The following CPNE8 variants were observed in gnomAD, a reference collection of about 807,000 sequenced individuals.
CPNE8 encodes the protein copine-8.
A neutral mutation model predicts 81.5 loss-of-function variants in CPNE8; 45 were observed. That is an observed-to-expected ratio of 0.55 (90% confidence interval 0.44 to 0.71). CPNE8 has a LOEUF of 0.71. Among genes scored for constraint, CPNE8 ranks in the 30% least tolerant of loss-of-function variants. The pLI is 0.00. For missense variants in CPNE8, 594 were observed against 672.1 expected (o/e 0.88, Z 1.28); for synonymous variants, 252 against 226.3 (o/e 1.11, Z -1.02).
intron 16 of CPNE8, among the ~76,000 whole-genome samples, chr12:38,682,340 C>T (rs1489655467): frequency 6.6e-6 from 1 of 152,116 alleles, no homozygotes; most frequent in African/African-American, 2.4e-5. Context: ...GGCGGATCGC[C>T]TGAGGTCAAG....
chr12:38,664,504 T>A (rs1297838852), intron 19 of CPNE8, among the ~76,000 whole-genome samples: 1 of 152,098 alleles, frequency 6.6e-6, no homozygotes. Flanking sequence ...TATTATTAAT[T>A]TTATCTCTTT....
chr12:38,813,254 C>T (rs1942967475), intron 6 of CPNE8, among the ~76,000 whole-genome samples: 1 of 152,124 alleles, frequency 6.6e-6, no homozygotes, highest in Non-Finnish European at 1.5e-5. Flanking sequence ...AGACCATACA[C>T]ATCAAAGGCC....
At chr12:38,886,958 A>G (rs1944246019) in intron 1 of CPNE8, among the ~76,000 whole-genome samples, 1 of 152,128 alleles carries the variant, frequency 6.6e-6, no homozygotes, top group Non-Finnish European at 1.5e-5. Context: ...TAAAGAAATG[A>G]CGACACCCAG....
chr12:38,864,273 G>C (rs901361888), intron 3 of CPNE8, among the ~76,000 whole-genome samples: 6 of 152,058 alleles, frequency 3.9e-5, no homozygotes, highest in Non-Finnish European at 8.8e-5. Flanking sequence ...GCTGGTTTTT[G>C]TAAGTTAAGT....
At chr12:38,816,088 G>A (rs553787558) in intron 6 of CPNE8, among the ~76,000 whole-genome samples, 2 of 152,102 alleles carry the variant, frequency 1.3e-5, no homozygotes, top group South Asian at 4.2e-4. Flanking sequence ...TTTATAATGT[G>A]GTAAGGTACA....
chr12:38,900,040 AT>A, intron 1 of CPNE8, among the ~76,000 whole-genome samples: 1 of 152,188 alleles, frequency 6.6e-6, no homozygotes, highest in African/African-American at 2.4e-5. Context: ...TCTTAAATTT[AT>A]TTTTAATATA....
intron 13 of CPNE8, among the ~76,000 whole-genome samples, chr12:38,723,098 G>A (rs1940606550): frequency 6.6e-6 from 1 of 152,132 alleles, no homozygotes; most frequent in South Asian, 2.1e-4. Context: ...CCAGTTCGGG[G>A]TAGTTTCTTT....
At chr12:38,698,709 A>G (rs1465994556) in intron 14 of CPNE8, among the ~76,000 whole-genome samples, 1 of 152,186 alleles carries the variant, frequency 6.6e-6, no homozygotes, top group African/African-American at 2.4e-5. Flanking sequence ...GACCTTAGAC[A>G]TCAGGGTTTA....
chr12:38,827,013 CAA>C (rs56670584), intron 6 of CPNE8, among the ~76,000 whole-genome samples: 117 of 91,646 alleles, frequency 1.3e-3, no homozygotes, highest in African/African-American at 1.7e-3. Context: ...ACTAAAAATA[CAA>C]AAAAAAAAAA....
At chr12:38,896,806 T>A (rs1944394689) in intron 1 of CPNE8, among the ~76,000 whole-genome samples, 1 of 152,106 alleles carries the variant, frequency 6.6e-6, no homozygotes, top group Non-Finnish European at 1.5e-5. Flanking sequence ...TTTATCACTG[T>A]CACCTTGGTT....
chr12:38,791,654 A>C (rs1049409890), intron 6 of CPNE8, among the ~76,000 whole-genome samples: 1 of 151,646 alleles, frequency 6.6e-6, no homozygotes, highest in East Asian at 1.9e-4. Context: ...TGAGACTTCA[A>C]TACCACATCT....
intron 3 of CPNE8, among the ~76,000 whole-genome samples, chr12:38,868,148 T>C (rs1943942699): frequency 6.6e-6 from 1 of 152,082 alleles, no homozygotes; most frequent in South Asian, 2.1e-4. Context: ...CACTATATTA[T>C]TGAGATAATG....
chr12:38,783,287 C>G (rs1048360958), intron 6 of CPNE8, among the ~76,000 whole-genome samples: 1 of 152,168 alleles, frequency 6.6e-6, no homozygotes, highest in Non-Finnish European at 1.5e-5. Context: ...TATACACACA[C>G]ACAAAGCATC....
chr12:38,830,329 A>G (rs904264240), intron 5 of CPNE8, among the ~76,000 whole-genome samples: 3 of 152,226 alleles, frequency 2.0e-5, no homozygotes, highest in Non-Finnish European at 2.9e-5. Flanking sequence ...AATAGAAACT[A>G]AAACTCTAGA....
chr12:38,833,679 C>T (rs1439004903), intron 5 of CPNE8, among the ~76,000 whole-genome samples: 12 of 151,874 alleles, frequency 7.9e-5, no homozygotes, highest in South Asian at 4.1e-4. Context: ...GGGGTTTCAC[C>T]GTGTTAGCCA....
intron 18 of CPNE8, among the ~76,000 whole-genome samples, chr12:38,673,559 C>T (rs529789563): frequency 9.9e-5 from 15 of 152,144 alleles, no homozygotes; most frequent in East Asian, 1.9e-4. Flanking sequence ...CACCTGTTGT[C>T]GCCTAGCAGA....
chr12:38,904,620 C>T (rs2137175497), intron 1 of CPNE8, among the ~76,000 whole-genome samples: 1 of 152,130 alleles, frequency 6.6e-6, no homozygotes, highest in South Asian at 2.1e-4. Context: ...AGGCGCGTGC[C>T]ACCACGTCCG....
chr12:38,659,803 A>AAGC (rs1938909797), intron 19 of CPNE8, among the ~76,000 whole-genome samples: 1 of 152,110 alleles, frequency 6.6e-6, no homozygotes. Flanking sequence ...CAAAAATCAC[A>AAGC]AGCATTCCTA....
intron 19 of CPNE8, among the ~76,000 whole-genome samples, chr12:38,655,945 G>A (rs1938805630): frequency 6.7e-6 from 1 of 148,618 alleles, no homozygotes; most frequent in South Asian, 2.2e-4. Context: ...TCCTACTAAG[G>A]GCAAGAAAGG....
Sources: gnomAD v4.1 joint callset for allele counts (sites outside exome capture counted in the v4.1 genomes callset) on GRCh38, gnomAD v4.1.1 for gene constraint, MANE v1.5 for transcripts, NCBI Gene and HGNC (gene_info 2026-07-23, HGNC 2026-07-21) for gene names.